DDX31: variants seen among roughly 807,000 people sequenced by gnomAD.
DDX31 encodes ATP-dependent DNA helicase DDX31.
A neutral mutation model predicts 91.3 loss-of-function variants in DDX31; 70 were observed. That is an observed-to-expected ratio of 0.77 (90% CI 0.63 to 0.94). The LOEUF (loss-of-function observed/expected upper bound fraction) is 0.94. Ranked by LOEUF, DDX31 falls within the 40% of genes least tolerant of loss-of-function variation. DDX31 has a pLI of 0.00. For synonymous variants in DDX31, 362 were observed against 350.6 expected (o/e 1.03, Z -0.36); for missense variants, 902 against 925.0 (o/e 0.98, Z 0.32).
intron 1 of DDX31, among the ~76,000 whole-genome samples, chr9:132,669,256 G>GGGGGGGGGGGGGGC (rs1835542122): frequency 8.7e-6 from 1 of 115,514 alleles, no homozygotes; most frequent in African/African-American, 3.1e-5. Context: ...CACCCCGCCC[G>GGGGGGGGGGGGGGC]CCCCCCCCAA....
chr9:132,638,284 G>A, intron 14 of DDX31: 1 of 1,610,006 alleles, frequency 6.2e-7, no homozygotes, highest in East Asian at 2.2e-5. Context: ...GCCATTCGGT[G>A]GTACTTCTTA....
Position 132,594,982 on chromosome 9 carries a change from G to A in DDX31, c.2125C>T (p.Arg709Trp), listed in dbSNP as rs776536280. The A allele has an allele frequency of 4.3e-6, 7 of 1,614,136 alleles. No individual in the cohort carries two copies. Among genetic ancestry groups the A allele is most frequent in the Admixed American group, 3.3e-5 (2 of 60,030 alleles). ...GGCTGCAGACTGTGCTGCAGGGGCC[G>A]GCCACCAGGCTCTCCAGGTGCGTTT... Reference protein sequence around the residue: ...KQNAPGEPGGRPLQHSLQPTP... With the variant: ...KQNAPGEPGGWPLQHSLQPTP... Residue 709 changes from arginine to tryptophan, a missense_variant, in exon 20 of 20, where the codon CGG becomes TGG. Transcript: ENST00000372159.
intron 18 of DDX31, 69 bp from the exon 19 acceptor site, chr9:132,612,324 T>A (rs1831396566): frequency 2.5e-5 from 39 of 1,577,728 alleles, no homozygotes; most frequent in Non-Finnish European, 3.4e-5. Flanking sequence ...GTGCCCGGCC[T>A]AATGGTTATC....
intron 1 of DDX31, among the ~76,000 whole-genome samples, chr9:132,666,182 A>G (rs1458078167): frequency 6.6e-6 from 1 of 152,168 alleles, no homozygotes; most frequent in Non-Finnish European, 1.5e-5. Flanking sequence ...AGCTTTTCCT[A>G]AGCAATTTGC....
intron 11 of DDX31, among the ~76,000 whole-genome samples, chr9:132,647,717 TAA>T (rs1295720821): frequency 2.0e-5 from 3 of 152,046 alleles, no homozygotes; most frequent in Non-Finnish European, 4.4e-5. Flanking sequence ...TTCCCAGTGA[TAA>T]AAAAGAGAGC....
intron 17 of DDX31, among the ~76,000 whole-genome samples, chr9:132,622,719 A>C (rs1832119657): frequency 6.6e-6 from 1 of 152,378 alleles, no homozygotes; most frequent in Admixed American, 6.5e-5. Flanking sequence ...TGTTCCACTT[A>C]TTATGATACA....
At position 132,669,859 on chromosome 9, in the gene DDX31, C is replaced by A. The variant is rs748008137; in HGVS notation, c.75+1G>T. 17 of 1,581,352 alleles carry A rather than the reference C, an allele frequency of 1.1e-5. No homozygotes were observed. The highest frequency in any genetic ancestry group is 1.5e-5 in the Non-Finnish European group (17 of 1,165,684). ...GGAGCTGAAGCCGGGTCAGAACTCA[C>A]CCGACTCGCCTGGGCTGGGGGACGT... On this transcript the variant is annotated splice_donor_variant, in intron 1 of 19. Transcript: ENST00000372159. LOFTEE classifies it high-confidence loss of function.
intron 14 of DDX31, chr9:132,638,472 CCTT>C: frequency 3.4e-6 from 5 of 1,468,018 alleles, no homozygotes; most frequent in Non-Finnish European, 4.7e-6. Flanking sequence ...TCCAATGACT[CCTT>C]CTTGCTCATC....
rs367899816 is a variant in DDX31 at position 132,646,053 on chromosome 9, T to C, written c.1222A>G (p.Met408Val). Reference sequence around the variant, plus strand: ...TCGCAACTTGAGAAAAAGACAACCATCTTCTGGTCTTCCTCAAACTACATC... The same window carrying C: ...TCGCAACTTGAGAAAAAGACAACCACCTTCTGGTCTTCCTCAAACTACATC... ...QKCKFEEDQK[M>V]VVFFSSCELV... is the part of the protein sequence containing the mutation. Residue 408 changes from methionine (M) to valine (V), a missense_variant, in exon 13 of 20, where the codon ATG becomes GTG. Physicochemically the swap from Met to Val is conservative, Grantham distance 21. Transcript: ENST00000372159. The C allele has an allele frequency of 1.9e-6, 3 of 1,613,846 alleles. No individual in the cohort carries two copies. The highest frequency in any genetic ancestry group is 2.5e-6 in the Non-Finnish European group (3 of 1,179,954).
intron 14 of DDX31, among the ~76,000 whole-genome samples, chr9:132,634,951 C>T (rs966561573): frequency 6.6e-5 from 10 of 152,136 alleles, no homozygotes; most frequent in African/African-American, 2.4e-4. Flanking sequence ...TGTAGACTTC[C>T]TTAGTTTGGA....
intron 16 of DDX31, among the ~76,000 whole-genome samples, chr9:132,628,464 A>G (rs1832530377): frequency 6.6e-6 from 1 of 152,208 alleles, no homozygotes; most frequent in African/African-American, 2.4e-5. Flanking sequence ...GGTATTTGTT[A>G]TGTCTTTAAA....
intron 19 of DDX31, among the ~76,000 whole-genome samples, chr9:132,602,551 G>A (rs17400224): frequency 0.3 from 45,538 of 152,038 alleles, 7,172 homozygotes; most frequent in Middle Eastern, 0.42. Flanking sequence ...CAAAACCCAC[G>A]CTCCTAGCAC....
chr9:132,598,363 T>C (rs1830550896), intron 19 of DDX31, among the ~76,000 whole-genome samples: 1 of 152,182 alleles, frequency 6.6e-6, no homozygotes, highest in Non-Finnish European at 1.5e-5. Context: ...GCCCTCCAAA[T>C]ACCCGCACCC....
In DDX31 at chr9:132,662,277, C is replaced by T; in HGVS notation, c.392G>A (p.Gly131Asp). The change falls in exon 3 of 20, where the codon GGC becomes GAC. Residue 131 changes from glycine (G) to aspartate (D), a missense_variant. By Grantham distance (94) the Gly-to-Asp change is moderately conservative. Coordinates refer to ENST00000372159, the MANE Select transcript of DDX31 (RefSeq NM_022779.9). ...GGTACTTACTAAATGTGGGTGGAGG[C>T]CCAGCTCATGAAAAGCAGCTGAAGT... ...VFTSAAFHEL[G>D]LHPHLISTIN... The T allele has an allele frequency of 6.2e-7, 1 of 1,614,158 alleles. No homozygotes were observed. The highest frequency in any genetic ancestry group is 8.5e-7 in the Non-Finnish European group (1 of 1,180,034).
At chr9:132,620,792 TCAA>T (rs1277707670) in intron 17 of DDX31, among the ~76,000 whole-genome samples, 6 of 152,026 alleles carry the variant, frequency 3.9e-5, no homozygotes, top group Non-Finnish European at 7.4e-5. Flanking sequence ...TGAGAGCGGG[TCAA>T]ACCCCTGAGG....
chr9:132,638,595 G>A (rs73562912), intron 14 of DDX31, among the ~76,000 whole-genome samples: 3,157 of 152,176 alleles, frequency 0.021, 96 homozygotes, highest in African/African-American at 0.072. Context: ...GATTTCTTTT[G>A]CCCCCAGCTA....
chr9:132,669,513 C>T, intron 1 of DDX31: 1 of 1,298,608 alleles, frequency 7.7e-7, no homozygotes, highest in Non-Finnish European at 1.0e-6. Context: ...GTCGAGGAAA[C>T]TGGCTTAGAG....
intron 1 of DDX31, among the ~76,000 whole-genome samples, chr9:132,667,141 G>A (rs570823100): frequency 9.9e-5 from 15 of 151,974 alleles, no homozygotes; most frequent in African/African-American, 3.6e-4. Context: ...GAGCCACCTC[G>A]CCCAGCCCAG....
chr9:132,651,497 GA>G (rs1206697127), intron 7 of DDX31, among the ~76,000 whole-genome samples: 5 of 152,154 alleles, frequency 3.3e-5, no homozygotes, highest in African/African-American at 9.7e-5. Flanking sequence ...TATGTACGCA[GA>G]GTAAACCACA....
Sources: gnomAD v4.1 joint callset for allele counts (sites outside exome capture counted in the v4.1 genomes callset) on GRCh38, gnomAD v4.1.1 for gene constraint, MANE v1.5 for transcripts, NCBI Gene and HGNC (gene_info 2026-07-23, HGNC 2026-07-21) for gene names.